The following CSMD1 variants were observed in gnomAD, a reference collection of about 807,000 sequenced individuals.
CSMD1 encodes CUB and Sushi multiple domains 1, also known as CUB and sushi domain-containing protein 1.
Under a neutral mutation model 417.5 loss-of-function variants are expected in CSMD1, and 213 were observed. The observed-to-expected ratio is 0.51, with a 90% CI of 0.46 to 0.57. CSMD1 has a LOEUF of 0.57. CSMD1 is among the 20% of genes least tolerant of loss of function. The pLI is 0.00. For missense variants in CSMD1, 6,923 were observed against 4,529.7 expected (o/e 1.53, Z -15.17); for synonymous variants, 2,862 against 1,736.8 (o/e 1.65, Z -16.11).
intron 1 of CSMD1, among the ~76,000 whole-genome samples, chr8:4,712,347 A>G (rs1808360539): frequency 6.6e-6 from 1 of 152,210 alleles, no homozygotes; most frequent in Admixed American, 6.5e-5. Context: ...CAGAACGGAA[A>G]ACCCTTTGAT....
chr8:3,260,630 G>C (rs868115522), intron 26 of CSMD1, among the ~76,000 whole-genome samples: 6 of 151,106 alleles, frequency 4.0e-5, no homozygotes, highest in Non-Finnish European at 8.8e-5. Flanking sequence ...TGCTTAGGGA[G>C]AGAAACATTT....
intron 37 of CSMD1, among the ~76,000 whole-genome samples, chr8:3,170,188 C>T (rs573182423): frequency 3.3e-5 from 5 of 152,258 alleles, no homozygotes; most frequent in East Asian, 3.9e-4. Context: ...TTTACAACTC[C>T]GAGTTTTATT....
Position 4,069,134 on chromosome 8 carries a change from T to C in CSMD1, c.416-37035A>G, listed in dbSNP as rs540348028. On this transcript the variant is annotated intron_variant, in intron 3 of 69. Coordinates refer to ENST00000635120, the MANE Select transcript of CSMD1 (RefSeq NM_033225.6). The stretch of plus-strand genomic sequence containing the variant: ...TTTCCTGAAGGGAAATACTACAATA[T>C]TGTTCATAGGAGACTGGTTGCAAAT... Among the ~76,000 whole-genome samples the C allele has an allele frequency of 3.9e-5, 6 of 152,328 alleles. No individual in the cohort carries two copies. In the East Asian group the frequency reaches 9.7e-4, roughly 25 times the overall value.
intron 5 of CSMD1, among the ~76,000 whole-genome samples, chr8:3,981,572 C>A (rs1458902584): frequency 6.7e-6 from 1 of 149,254 alleles, no homozygotes; most frequent in Non-Finnish European, 1.5e-5. Context: ...CGTGTTCCAT[C>A]ACATCACTCA....
intron 5 of CSMD1, among the ~76,000 whole-genome samples, chr8:3,867,105 G>A (rs1166685668): frequency 6.6e-6 from 1 of 152,102 alleles, no homozygotes; most frequent in African/African-American, 2.4e-5. Flanking sequence ...CATTTTGATT[G>A]ATTGATTTTT....
Position 3,701,159 on chromosome 8 carries a change from G to GT in CSMD1, c.1009+7254dup, listed in dbSNP as rs1162625183. 7.9e-5 allele frequency among the ~76,000 whole-genome samples: 12 copies of GT among 152,168 alleles called. 1 individual carries two copies. In the South Asian group the frequency reaches 2.5e-3, roughly 32 times the overall value. On this transcript the variant is annotated intron_variant, in intron 7 of 69. Transcript: ENST00000635120. ...AGAGAGATGCCTGTTAGACATCAAC[G>GT]TGACTCCCAAGTAAGCCCGTGGATA...
chr8:3,553,122 GAGAAA>G lies in CSMD1; in HGVS notation c.1344+21818_1344+21822del, dbSNP rs1355209149. ...AGCTAAAAAATAAATTGTGGACAAG[GAGAAA>G]AAAAAAAAGAAAGGAAAGACCTACT... is the stretch of plus-strand genomic sequence containing the variant. On this transcript the variant is annotated intron_variant, in intron 10 of 69. Coordinates refer to ENST00000635120, the MANE Select transcript of CSMD1 (RefSeq NM_033225.6). Among the ~76,000 whole-genome samples the G allele has an allele frequency of 2.0e-4, 29 of 146,878 alleles. No individual in the cohort carries two copies. The East Asian group carries it at 3.6e-3, about 18-fold the overall frequency.
intron 2 of CSMD1, among the ~76,000 whole-genome samples, chr8:4,463,308 G>C (rs1283910902): frequency 6.6e-6 from 1 of 152,126 alleles, no homozygotes; most frequent in East Asian, 1.9e-4. Flanking sequence ...GGAGGTGTAT[G>C]GGTGTTTCAC....
At chr8:4,063,007 G>C (rs553007156) in intron 3 of CSMD1, among the ~76,000 whole-genome samples, 3 of 152,084 alleles carry the variant, frequency 2.0e-5, no homozygotes, top group Non-Finnish European at 4.4e-5. Flanking sequence ...CTTATTAAGA[G>C]ATACTGTTAG....
chr8:3,901,214 T>C (rs1208377979), intron 5 of CSMD1, among the ~76,000 whole-genome samples: 2 of 152,184 alleles, frequency 1.3e-5, no homozygotes, highest in Admixed American at 1.3e-4. Flanking sequence ...TGGCCAATAG[T>C]ATTTTTATTT....
At chr8:3,330,044 A>T (rs1244657390) in intron 23 of CSMD1, among the ~76,000 whole-genome samples, 1 of 152,184 alleles carries the variant, frequency 6.6e-6, no homozygotes, top group Non-Finnish European at 1.5e-5. Context: ...AAGAAGCTCA[A>T]GCCCATGGCA....
chr8:3,646,193 T>A (rs528420439), intron 7 of CSMD1, among the ~76,000 whole-genome samples: 1 of 152,228 alleles, frequency 6.6e-6, no homozygotes, highest in South Asian at 2.1e-4. Flanking sequence ...TAGTGATACA[T>A]TATTTTATCA....
Position 3,695,384 on chromosome 8 carries a change from C to G in CSMD1, c.1009+13030G>C, listed in dbSNP as rs114434088. ...AAAAAAAAATAATGACTCAACGTGTCCTGTATGCTAAAACTCACTTTTATT... is the reference window on the plus strand; with the variant it reads ...AAAAAAAAATAATGACTCAACGTGTGCTGTATGCTAAAACTCACTTTTATT... On this transcript the variant is annotated intron_variant, in intron 7 of 69. Coordinates refer to ENST00000635120, the MANE Select transcript of CSMD1 (RefSeq NM_033225.6). 8.1e-3 allele frequency among the ~76,000 whole-genome samples: 1,226 copies of G among 152,134 alleles called. 16 individuals are homozygous for G. The highest frequency in any genetic ancestry group is 0.028 in the African/African-American group (1,181 of 41,488).
chr8:4,251,853 A>AG (rs1803103849), intron 3 of CSMD1, among the ~76,000 whole-genome samples: 2 of 131,448 alleles, frequency 1.5e-5, no homozygotes, highest in South Asian at 5.5e-4. Flanking sequence ...GCAGGAGGAG[A>AG]GATGGAGGAG....
chr8:3,206,587 G>A (rs1179546764), intron 30 of CSMD1, among the ~76,000 whole-genome samples: 3 of 138,862 alleles, frequency 2.2e-5, no homozygotes, highest in East Asian at 2.2e-4. Flanking sequence ...GTGTATGTGT[G>A]GGGGGCGTAT....
At chr8:3,081,212 T>G (rs1389808804) in intron 49 of CSMD1, among the ~76,000 whole-genome samples, 1 of 152,222 alleles carries the variant, frequency 6.6e-6, no homozygotes, top group Non-Finnish European at 1.5e-5. Flanking sequence ...AAAAGGTACC[T>G]GTTGCATTTT....
chr8:4,623,840 AC>A (rs749382775), intron 2 of CSMD1, among the ~76,000 whole-genome samples: 3 of 152,072 alleles, frequency 2.0e-5, no homozygotes, highest in Non-Finnish European at 4.4e-5. Context: ...TGGCAACAAA[AC>A]TTAGAACACA....
chr8:4,396,259 T>C (rs545851323), intron 3 of CSMD1, among the ~76,000 whole-genome samples: 6 of 151,726 alleles, frequency 4.0e-5, no homozygotes, highest in Non-Finnish European at 5.9e-5. Flanking sequence ...CCCAGGTGTT[T>C]GAGACCAGCT....
At chr8:3,243,802 A>T (rs1314340799) in intron 26 of CSMD1, among the ~76,000 whole-genome samples, 2 of 150,782 alleles carry the variant, frequency 1.3e-5, no homozygotes. Flanking sequence ...TTTATATATA[A>T]TTATATGATG....
Sources: gnomAD v4.1 joint callset for allele counts (sites outside exome capture counted in the v4.1 genomes callset) on GRCh38, gnomAD v4.1.1 for gene constraint, MANE v1.5 for transcripts, NCBI Gene and HGNC (gene_info 2026-07-23, HGNC 2026-07-21) for gene names.